The following YEATS2 variants were observed in gnomAD, a reference collection of about 807,000 sequenced individuals.
The protein encoded by YEATS2 is YEATS domain containing 2.
Under a neutral mutation model 163.2 loss-of-function variants are expected in YEATS2, and 77 were observed. The ratio of observed to expected loss-of-function variants is 0.47; its 90% CI spans 0.39 to 0.57. The LOEUF is 0.57. Ranked by LOEUF, YEATS2 falls within the 20% of genes least tolerant of loss-of-function variation. The pLI is 0.00. For synonymous variants in YEATS2, 631 were observed against 645.1 expected (o/e 0.98, Z 0.33); for missense variants, 1,549 against 1,729.8 (o/e 0.90, Z 1.85).
chr3:183,803,496 C>T, intron 26 of YEATS2, 161 bp downstream of exon 26: 5 of 703,504 alleles, frequency 7.1e-6, no homozygotes, highest in Admixed American at 2.9e-5. Flanking sequence ...AGCTGACTTT[C>T]AGGCGTGCCT....
At chr3:183,770,622 G>A (rs762611688) in intron 15 of YEATS2, among the ~76,000 whole-genome samples, 2 of 152,034 alleles carry the variant, frequency 1.3e-5, no homozygotes, top group African/African-American at 2.4e-5. Context: ...AGTCCACTTT[G>A]TTCTTCCCAG....
At chr3:183,729,360 C>A (rs1394721404) in intron 7 of YEATS2, among the ~76,000 whole-genome samples, 1 of 151,976 alleles carries the variant, frequency 6.6e-6, no homozygotes, top group Non-Finnish European at 1.5e-5. Context: ...TGTTACCACA[C>A]TAATTATATT....
intron 15 of YEATS2, among the ~76,000 whole-genome samples, chr3:183,768,074 T>G (rs1722089013): frequency 1.3e-5 from 2 of 152,248 alleles, no homozygotes; most frequent in Non-Finnish European, 2.9e-5. Context: ...GACTGCTATC[T>G]TAGTTAAGAG....
intron 9 of YEATS2, among the ~76,000 whole-genome samples, chr3:183,749,575 T>C (rs1297450259): frequency 3.9e-5 from 6 of 152,240 alleles, no homozygotes; most frequent in Non-Finnish European, 8.8e-5. Context: ...CTTTGCATAA[T>C]GTCCTCAGAT....
At chr3:183,776,381 T>A (rs890630510) in intron 18 of YEATS2, among the ~76,000 whole-genome samples, 79 of 151,820 alleles carry the variant, frequency 5.2e-4, no homozygotes, top group Admixed American at 1.2e-3. Context: ...CTGTCTCTAC[T>A]AAAAATACCA....
chr3:183,767,441 C>T (rs1282085060), intron 15 of YEATS2, among the ~76,000 whole-genome samples: 2 of 151,470 alleles, frequency 1.3e-5, no homozygotes, highest in Admixed American at 6.6e-5. Context: ...AGAGCAGTGG[C>T]GCCATCTCGG....
chr3:183,713,511 C>T (rs537302530), intron 1 of YEATS2, among the ~76,000 whole-genome samples: 15 of 152,228 alleles, frequency 9.9e-5, no homozygotes, highest in African/African-American at 3.6e-4. Flanking sequence ...TGCAGTGAGC[C>T]GAGATTGCAC....
At chr3:183,777,756 A>G in intron 19 of YEATS2, 56 bp downstream of exon 19, 3 of 1,558,504 alleles carry the variant, frequency 1.9e-6, no homozygotes, top group East Asian at 2.3e-5. Context: ...ATTTATTTAC[A>G]TATTTACATG....
At position 183,704,958 on chromosome 3, in the gene YEATS2, G is replaced by T. The variant is rs1419268818; in HGVS notation, c.-20+6965G>T. On this transcript the variant is annotated intron_variant, in intron 1 of 30. Transcript: ENST00000305135. ...TGAACTTTTATAGATATTTTTAAAA[G>T]ATTTTTTTCTGTTGGGTTCAGAGTT... Among the ~76,000 whole-genome samples, 3 of 152,030 alleles carry T rather than the reference G, an allele frequency of 2.0e-5. No homozygotes were observed. The South Asian group carries it at 6.2e-4, about 32-fold the overall frequency.
intron 8 of YEATS2, among the ~76,000 whole-genome samples, chr3:183,743,413 C>G (rs1719181154): frequency 6.6e-6 from 1 of 152,036 alleles, no homozygotes; most frequent in African/African-American, 2.4e-5. Context: ...GATCACGGCT[C>G]ACTGCATCCT....
intron 27 of YEATS2, chr3:183,806,201 C>T (rs764446162): frequency 2.8e-5 from 12 of 421,716 alleles, no homozygotes; most frequent in South Asian, 1.5e-4. Context: ...TTTCAACTTA[C>T]GATGGGTTTT....
At chr3:183,746,657 CTTTT>C (rs560422111) in intron 8 of YEATS2, among the ~76,000 whole-genome samples, 2 of 141,326 alleles carry the variant, frequency 1.4e-5, no homozygotes, top group Non-Finnish European at 3.1e-5. Context: ...CTAAAATTAC[CTTTT>C]TTTTTTTTTT....
intron 19 of YEATS2, among the ~76,000 whole-genome samples, chr3:183,782,644 G>A (rs548729982): frequency 2.5e-4 from 38 of 152,184 alleles, no homozygotes; most frequent in African/African-American, 8.7e-4. Flanking sequence ...GGCTGGTCTC[G>A]AACTCCTTAC....
chr3:183,777,770 T>C, intron 19 of YEATS2, 70 bp downstream of exon 19: 2 of 1,511,586 alleles, frequency 1.3e-6, no homozygotes, highest in Non-Finnish European at 1.8e-6. Context: ...TTACATGTAG[T>C]TTCTCTCTTT....
At position 183,802,219 on chromosome 3, in the gene YEATS2, C is replaced by T. The variant is rs992047319; in HGVS notation, c.3502+691C>T. 5 of 152,640 alleles carry T rather than the reference C, an allele frequency of 3.3e-5. No individual in the cohort carries two copies. The East Asian group carries it at 5.8e-4, about 18-fold the overall frequency. 9.5% of individuals were successfully genotyped at this position (152,640 alleles called of 1,614,324 possible). A position where few individuals can be genotyped will look rare whatever the true frequency, so the allele number is the denominator to read the frequency against. ...TGCTGAGGGGCCAGCAGCCTACGGA[C>T]ACAGGAGCATGCTCATGGGCAAGAC... On this transcript the variant is annotated intron_variant, in intron 25 of 30. Coordinates refer to ENST00000305135, the MANE Select transcript of YEATS2 (RefSeq NM_018023.5).
At chr3:183,740,193 T>C (rs1718795545) in intron 8 of YEATS2, among the ~76,000 whole-genome samples, 1 of 150,590 alleles carries the variant, frequency 6.6e-6, no homozygotes, top group South Asian at 2.1e-4. Context: ...GGAGAAAATT[T>C]TCACAACCTA....
intron 19 of YEATS2, among the ~76,000 whole-genome samples, chr3:183,780,292 AAC>A (rs1247397712): frequency 1.3e-5 from 2 of 152,172 alleles, no homozygotes; most frequent in Non-Finnish European, 2.9e-5. Flanking sequence ...AACTGAATAG[AAC>A]TGGCTGCTCT....
chr3:183,806,002 A>G (rs1363090167), intron 27 of YEATS2, among the ~76,000 whole-genome samples: 1 of 152,012 alleles, frequency 6.6e-6, no homozygotes, highest in African/African-American at 2.4e-5. Context: ...GTACTTGCAC[A>G]TACTAGGCTT....
intron 11 of YEATS2, among the ~76,000 whole-genome samples, chr3:183,754,854 C>CT (rs1720550305): frequency 6.6e-6 from 1 of 152,112 alleles, no homozygotes; most frequent in Non-Finnish European, 1.5e-5. Context: ...GTCTTGTTCA[C>CT]TAAGATTGGA....
Sources: allele counts gnomAD v4.1 joint callset (sites outside exome capture counted in the v4.1 genomes callset), GRCh38; gene constraint gnomAD v4.1.1; transcripts MANE v1.5; gene names NCBI Gene and HGNC (gene_info 2026-07-23, HGNC 2026-07-21).